LIG3: variants seen among roughly 807,000 people sequenced by gnomAD.
LIG3 encodes the protein ligase II, DNA, ATP-dependent.
A neutral mutation model predicts 110.9 loss-of-function variants in LIG3; 58 were observed. The observed-to-expected ratio is 0.52, with a 90% confidence interval of 0.42 to 0.65. The LOEUF (loss-of-function observed/expected upper bound fraction) is 0.65, where lower values mean the gene tolerates loss of function less well. Ranked by LOEUF, LIG3 falls within the 30% of genes least tolerant of loss-of-function variation. The probability of loss-of-function intolerance (pLI) is 0.00; values close to 1 mark genes in which losing one functional copy is unlikely to be tolerated. For synonymous variants in LIG3, 422 were observed against 472.8 expected, an observed-to-expected ratio of 0.89 and a Z score of 1.39; for missense variants, 1,094 against 1,273.8, an observed-to-expected ratio of 0.86 and a Z score of 2.15.
chr17:34,991,321 A>G (rs2090718576), intron 5 of LIG3: 4 of 592,512 alleles, frequency 6.8e-6, no homozygotes, highest in Non-Finnish European at 8.8e-6. Context: ...AAACCATACA[A>G]CTGCTGAACC....
At chr17:34,986,291 C>T (rs972205106) in intron 3 of LIG3, among the ~76,000 whole-genome samples, 160 bp downstream of exon 3, 4 of 151,928 alleles carry the variant, frequency 2.6e-5, no homozygotes, top group South Asian at 2.1e-4. Flanking sequence ...CTAAGCCTTC[C>T]GCTTGGTTTT....
At chr17:34,997,444 C>A (rs1287533343) in intron 11 of LIG3, 1 of 327,770 alleles carries the variant, frequency 3.1e-6, no homozygotes, top group Non-Finnish European at 5.9e-6. Context: ...TCAAGTGGGA[C>A]CAGAATTTAT....
intron 13 of LIG3, 147 bp from the exon 14 acceptor site, chr17:34,998,457 G>A: frequency 1.8e-6 from 2 of 1,134,286 alleles, no homozygotes; most frequent in Admixed American, 2.1e-5. Context: ...GGACTGCTTT[G>A]TGTGTCTCCT....
At chr17:34,981,753 T>A (rs2090596312) in intron 1 of LIG3, among the ~76,000 whole-genome samples, 1 of 152,254 alleles carries the variant, frequency 6.6e-6, no homozygotes, top group Admixed American at 6.5e-5. Flanking sequence ...GTGACAGCAA[T>A]TTTGCTTCAC....
rs748229437 is a variant in LIG3 at position 35,008,436 on chromosome 17, ATTTTTT to A, written c.*3940_*3945del. On this transcript the variant is annotated 3_prime_UTR_variant, in exon 20 of 20. Transcript: ENST00000378526. ...TTAGCTTGTGGTTTATCAGTTGTCA[ATTTTTT>A]TTTTTTTTTAATACAGGGTCTCACT... The A allele has an allele frequency of 6.9e-6, 1 of 143,906 alleles. No individual in the cohort carries two copies. The highest frequency in any genetic ancestry group is 2.0e-4 in the East Asian group (1 of 4,988). The allele number at this position is 143,906 out of a possible 1,614,324, so 8.9% of individuals were successfully genotyped here. A position where few individuals can be genotyped will look rare whatever the true frequency, so the allele number is the denominator to read the frequency against.
Position 35,002,698 on chromosome 17 carries a change from T to C in LIG3, c.2705T>C (p.Met902Thr). 1.2e-6 allele frequency: 2 copies of C among 1,613,768 alleles called. No homozygotes were observed. The highest frequency in any genetic ancestry group is 8.5e-7 in the Non-Finnish European group (1 of 1,179,898). The change falls in exon 19 of 20, where the codon ATG (methionine) becomes ACG (threonine). Residue 902 changes from methionine to threonine, a missense_variant. Physicochemically the swap from Met to Thr is moderately conservative, Grantham distance 81. Coordinates refer to ENST00000378526, the MANE Select transcript of LIG3 (RefSeq NM_013975.4). ...GNMQTAKPSA[M>T]KVGEKLATKS... ...ATGCAGACTGCAAAGCCTTCCGCTA[T>C]GAAGGTGGGGGAGAAGCTGGCCACA...
chr17:34,997,872 A>C, intron 12 of LIG3, 47 bp downstream of exon 12: 1 of 1,431,814 alleles, frequency 7.0e-7, no homozygotes, highest in Non-Finnish European at 9.9e-7. Context: ...GTTTGAAAGC[A>C]GGGCAGAGAA....
At chr17:34,992,971 C>G (rs2090741602) in intron 8 of LIG3, among the ~76,000 whole-genome samples, 1 of 152,100 alleles carries the variant, frequency 6.6e-6, no homozygotes, top group South Asian at 2.1e-4. Context: ...CCTTCAGTCT[C>G]CTGTGTGGAT....
Position 34,997,732 on chromosome 17 carries a change from C to T in LIG3, c.1824-6C>T. On this transcript the variant is annotated splice_polypyrimidine_tract_variant and splice_region_variant and intron_variant, in intron 11 of 19. Transcript: ENST00000378526. ...GGCCTAACCTCAGCTCTCCTGTTCT[C>T]CTCAGACCTCTGTGTGAGCGGCGGA... is the stretch of plus-strand genomic sequence containing the variant. 6.2e-7 allele frequency: 1 copy of T among 1,611,836 alleles called. No homozygotes were observed. The highest frequency in any genetic ancestry group is 8.5e-7 in the Non-Finnish European group (1 of 1,177,938).
At position 35,008,288 on chromosome 17, in the gene LIG3, C is replaced by T. The variant is rs940689897; in HGVS notation, c.*3782C>T. On this transcript the variant is annotated 3_prime_UTR_variant, in exon 20 of 20. Transcript: ENST00000378526. ...ATTCTCTTCTAGGTTGTTCCATGGC[C>T]TCTTCCATATATTACATTTGTGGTC... 1 of 152,192 alleles carries T rather than the reference C, an allele frequency of 6.6e-6. No individual in the cohort carries two copies. The highest frequency in any genetic ancestry group is 2.4e-5 in the African/African-American group (1 of 41,436). 9.4% of individuals were successfully genotyped at this position (152,192 alleles called of 1,614,324 possible).
rs142267888 is a variant in LIG3, at chr17:34,996,643, T to C, written c.1813T>C (p.Leu605=). The change falls in exon 11 of 20, where the codon TTG becomes CTG. Residue 605 remains leucine (L), a synonymous_variant. Transcript: ENST00000378526. The stretch of plus-strand genomic sequence containing the variant: ...TTGTATCTACTTTAATGATGTCAGC[T>C]TGATGGACAGGTGAGTTGGCTAGCA... The part of the protein sequence containing the change: ...FDCIYFNDVS[L]MDRPLCERRK... The C allele has an allele frequency of 2.1e-4, 340 of 1,613,726 alleles. 1 individual carries two copies. The African/African-American group carries it at 3.8e-3, about 18-fold the overall frequency.
Position 34,991,950 on chromosome 17 carries a change from C to A in LIG3, c.1209-8C>A, listed in dbSNP as rs1298247543. On this transcript the variant is annotated splice_region_variant and splice_polypyrimidine_tract_variant and intron_variant, in intron 6 of 19. Coordinates refer to ENST00000378526, the MANE Select transcript of LIG3 (RefSeq NM_013975.4). Reference sequence around the variant, plus strand: ...CAAGACCAAGTTAAATGTGCTTCATCCCCCTAGGTGTACAGCCAATGACCT... The same window carrying A: ...CAAGACCAAGTTAAATGTGCTTCATACCCCTAGGTGTACAGCCAATGACCT... 1.2e-6 allele frequency: 2 copies of A among 1,613,988 alleles called. No homozygotes were observed. The highest frequency in any genetic ancestry group is 3.3e-5 in the Admixed American group (2 of 60,024).
chr17:34,995,286 C>T (rs1407849111), intron 9 of LIG3, among the ~76,000 whole-genome samples: 2 of 152,152 alleles, frequency 1.3e-5, no homozygotes, highest in African/African-American at 4.8e-5. Context: ...AAGCAGTGGC[C>T]TCATTGTGGA....
chr17:34,991,541 G>A, intron 5 of LIG3, 130 bp from the exon 6 acceptor site: 1 of 843,182 alleles, frequency 1.2e-6, no homozygotes, highest in Non-Finnish European at 1.9e-6. Context: ...TCTAAGAAGT[G>A]GGCTAGATAT....
intron 4 of LIG3, chr17:34,989,953 A>G (rs2090700707): frequency 2.6e-6 from 1 of 388,498 alleles, no homozygotes; most frequent in Non-Finnish European, 4.8e-6. Flanking sequence ...CTATTTGACT[A>G]GTTAGAAAAT....
At chr17:34,986,733 A>C (rs566910385) in intron 3 of LIG3, among the ~76,000 whole-genome samples, 30 of 152,342 alleles carry the variant, frequency 2.0e-4, no homozygotes, top group African/African-American at 6.7e-4. Flanking sequence ...CCAGACAGAG[A>C]TTATTAGAAC....
intron 11 of LIG3, 139 bp from the exon 12 acceptor site, chr17:34,997,599 C>T: frequency 1.5e-6 from 1 of 657,896 alleles, no homozygotes; most frequent in South Asian, 1.7e-5. Flanking sequence ...GACAGCAGAA[C>T]TGTTACACAT....
Position 35,005,376 on chromosome 17 carries a change from A to T in LIG3, c.*870A>T, listed in dbSNP as rs1475550595. ...AAGTTGAAGAAGCCACCCTGGCTGCACATGCCATCAGCCATGACTGTGTAT... is the reference window on the plus strand; with the variant it reads ...AAGTTGAAGAAGCCACCCTGGCTGCTCATGCCATCAGCCATGACTGTGTAT... On this transcript the variant is annotated 3_prime_UTR_variant, in exon 20 of 20. Transcript: ENST00000378526. The T allele has an allele frequency of 1.8e-6, 1 of 558,456 alleles. No individual in the cohort carries two copies. The highest frequency in any genetic ancestry group is 1.4e-5 in the South Asian group (1 of 72,714). The allele number at this position is 558,456 out of a possible 1,614,324, so 34.6% of individuals were successfully genotyped here.
At chr17:34,985,562 A>T (rs1255019336) in intron 2 of LIG3, among the ~76,000 whole-genome samples, 1 of 152,212 alleles carries the variant, frequency 6.6e-6, no homozygotes, top group Non-Finnish European at 1.5e-5. Context: ...TTCCTATGCT[A>T]GGTTGACATG....
Sources: allele counts gnomAD v4.1 joint callset (sites outside exome capture counted in the v4.1 genomes callset), GRCh38; gene constraint gnomAD v4.1.1; transcripts MANE v1.5; gene names NCBI Gene and HGNC (gene_info 2026-07-23, HGNC 2026-07-21).